LRBA: variants seen among roughly 807,000 people sequenced by gnomAD.
LRBA encodes lipopolysaccharide-responsive and beige-like anchor protein.
A neutral mutation model predicts 330.0 loss-of-function variants in LRBA; 176 were observed. That is an observed-to-expected ratio of 0.53 (90% CI 0.47 to 0.60). The LOEUF (loss-of-function observed/expected upper bound fraction) is 0.60, where lower values mean the gene tolerates loss of function less well. LRBA is among the 20% of genes least tolerant of loss of function. The pLI, the probability that LRBA is intolerant of heterozygous loss-of-function variation, is 0.00. For synonymous variants in LRBA, 1,230 were observed against 1,193.0 expected, an observed-to-expected ratio of 1.03 and a Z score of -0.64; for missense variants, 3,259 against 3,444.8, an observed-to-expected ratio of 0.95 and a Z score of 1.35.
intron 2 of LRBA, among the ~76,000 whole-genome samples, chr4:150,937,152 C>A (rs1416654614): frequency 6.6e-6 from 1 of 151,968 alleles, no homozygotes; most frequent in Non-Finnish European, 1.5e-5. Flanking sequence ...TAAAATATGC[C>A]TTTCAAGGAG....
chr4:150,492,286 G>T (rs1759058450), intron 40 of LRBA, among the ~76,000 whole-genome samples: 2 of 151,904 alleles, frequency 1.3e-5, no homozygotes, highest in Non-Finnish European at 2.9e-5. Context: ...AATAGAATGG[G>T]TATAACTCTA....
At chr4:150,720,724 T>C (rs1728822856) in intron 36 of LRBA, among the ~76,000 whole-genome samples, 1 of 152,174 alleles carries the variant, frequency 6.6e-6, no homozygotes, top group African/African-American at 2.4e-5. Flanking sequence ...AATCAGAATC[T>C]GCTGATTATA....
rs531497556 is a variant in LRBA at position 150,961,454 on chromosome 4, A to G, written c.217-32389T>C. On this transcript the variant is annotated intron_variant, in intron 2 of 56. Coordinates refer to ENST00000651943, the MANE Select transcript of LRBA (RefSeq NM_001364905.1). ...GACAGAAGAAACAGAGATTAGCCAGAAAAAAACAAAGTCTAGAAAAATCAA... is the reference window on the plus strand; with the variant it reads ...GACAGAAGAAACAGAGATTAGCCAGGAAAAAACAAAGTCTAGAAAAATCAA... 1.3e-5 allele frequency among the ~76,000 whole-genome samples: 2 copies of G among 149,540 alleles called. 1 individual carries two copies. Among genetic ancestry groups the G allele is most frequent in the South Asian group, 4.2e-4 (2 of 4,814 alleles).
chr4:150,428,347 T>C (rs1371914360), intron 46 of LRBA, among the ~76,000 whole-genome samples: 2 of 152,220 alleles, frequency 1.3e-5, no homozygotes, highest in South Asian at 2.1e-4. Context: ...ATGTCCATGT[T>C]CGCAAAGCTA....
intron 2 of LRBA, among the ~76,000 whole-genome samples, chr4:151,011,983 T>G (rs574657236): frequency 2.9e-4 from 44 of 152,234 alleles, no homozygotes; most frequent in African/African-American, 9.4e-4. Flanking sequence ...TTCCAAAGAT[T>G]TTCTAGAGTG....
chr4:150,728,134 C>T (rs565058354), intron 36 of LRBA, among the ~76,000 whole-genome samples: 1 of 152,208 alleles, frequency 6.6e-6, no homozygotes, highest in East Asian at 1.9e-4. Flanking sequence ...TTCCTAGATA[C>T]ATAAACCTAC....
At chr4:150,987,183 T>A (rs1385438644) in intron 2 of LRBA, among the ~76,000 whole-genome samples, 2 of 152,204 alleles carry the variant, frequency 1.3e-5, no homozygotes, top group African/African-American at 4.8e-5. Context: ...GTGGTCCCAA[T>A]GATTAAAAGC....
intron 38 of LRBA, among the ~76,000 whole-genome samples, chr4:150,597,653 C>CA (rs887735736): frequency 4.0e-5 from 6 of 150,676 alleles, no homozygotes; most frequent in South Asian, 4.2e-4. Flanking sequence ...TTAAAAATTG[C>CA]AAAAAAAGTT....
chr4:150,870,496 G>C (rs1477747307), intron 20 of LRBA, 29 bp downstream of exon 20: 1 of 1,231,398 alleles, frequency 8.1e-7, no homozygotes, highest in Non-Finnish European at 1.2e-6. Flanking sequence ...GCAAAAGGTA[G>C]TTTTTGTTAA....
At chr4:150,343,811 T>C (rs1735907933) in intron 48 of LRBA, among the ~76,000 whole-genome samples, 1 of 152,186 alleles carries the variant, frequency 6.6e-6, no homozygotes, top group Admixed American at 6.6e-5. Flanking sequence ...AAAAACAATA[T>C]TGAAAGGAAA....
chr4:150,743,934 G>C (rs918816527), intron 35 of LRBA, among the ~76,000 whole-genome samples: 1 of 152,072 alleles, frequency 6.6e-6, no homozygotes, highest in Non-Finnish European at 1.5e-5. Context: ...TCTCTATTAG[G>C]CTCACATACA....
rs371566456 is a variant in LRBA, at chr4:150,491,074, C to G, written c.6331-39G>C. ...AAATAATCCCAGGTAAGTAACAATA[C>G]TTGTTTTTTGTTGTTGTTTCTTTCC... On this transcript the variant is annotated intron_variant, in intron 40 of 56. Coordinates refer to ENST00000651943, the MANE Select transcript of LRBA (RefSeq NM_001364905.1). 88 of 999,122 alleles carry G rather than the reference C, an allele frequency of 8.8e-5. No individual in the cohort carries two copies. In the African/African-American group the frequency reaches 1.3e-3, roughly 15 times the overall value. 61.9% of individuals were successfully genotyped at this position (999,122 alleles called of 1,614,324 possible). A position where few individuals can be genotyped will look rare whatever the true frequency, so the allele number is the denominator to read the frequency against.
At chr4:150,325,437 T>C (rs1280556082) in intron 49 of LRBA, among the ~76,000 whole-genome samples, 1 of 152,116 alleles carries the variant, frequency 6.6e-6, no homozygotes, top group Non-Finnish European at 1.5e-5. Context: ...AAAAATATAT[T>C]GGGATGTAAA....
intron 40 of LRBA, chr4:150,584,109 G>C (rs768096574): frequency 6.6e-7 from 1 of 1,521,846 alleles, no homozygotes; most frequent in African/African-American, 1.4e-5. Context: ...ACAAACTATA[G>C]GGTGCTGGGG....
chr4:150,627,441 T>C (rs1776970228), intron 37 of LRBA, among the ~76,000 whole-genome samples: 1 of 152,008 alleles, frequency 6.6e-6, no homozygotes, highest in Non-Finnish European at 1.5e-5. Context: ...CAAGGGTAGT[T>C]AATCTTGAAA....
chr4:150,880,909 A>G (rs1422374813), intron 17 of LRBA, among the ~76,000 whole-genome samples: 7 of 152,236 alleles, frequency 4.6e-5, no homozygotes, highest in African/African-American at 1.4e-4. Context: ...AAGAAGACAT[A>G]CAAGCAGGCA....
chr4:150,791,147 G>A (rs1739849461), intron 34 of LRBA, among the ~76,000 whole-genome samples: 1 of 152,132 alleles, frequency 6.6e-6, no homozygotes, highest in East Asian at 1.9e-4. Context: ...GACTGGGTCT[G>A]CTCATGTTGT....
chr4:150,911,328 T>G (rs948445371), intron 9 of LRBA, among the ~76,000 whole-genome samples: 4 of 152,226 alleles, frequency 2.6e-5, no homozygotes, highest in Admixed American at 6.5e-5. Flanking sequence ...GCTTTTCATA[T>G]ACAATATTTT....
At position 150,506,638 on chromosome 4, in the gene LRBA, A is replaced by C. The variant is rs574389399; in HGVS notation, c.6331-15603T>G. ...CCAATATCATACTGAATGGACAAAA[A>C]CTGGAGGCATTCCCTTTGAAAACTG... is the stretch of plus-strand genomic sequence containing the variant. On this transcript the variant is annotated intron_variant, in intron 40 of 56. Coordinates refer to ENST00000651943, the MANE Select transcript of LRBA (RefSeq NM_001364905.1). Among the ~76,000 whole-genome samples, 7 of 152,298 alleles carry C rather than the reference A, an allele frequency of 4.6e-5. No individual in the cohort carries two copies. In the South Asian group the frequency reaches 1.2e-3, roughly 27 times the overall value.
Sources: allele counts gnomAD v4.1 joint callset (sites outside exome capture counted in the v4.1 genomes callset), GRCh38; gene constraint gnomAD v4.1.1; transcripts MANE v1.5; gene names NCBI Gene and HGNC (gene_info 2026-07-23, HGNC 2026-07-21).